The following UBAC1 variants were observed in gnomAD, a reference collection of about 807,000 sequenced individuals.
UBAC1 encodes UBA domain containing 1.
Under a neutral mutation model 45.9 loss-of-function variants are expected in UBAC1, and 27 were observed. The ratio of observed to expected loss-of-function variants is 0.59; its 90% CI spans 0.43 to 0.81. The LOEUF is 0.81. UBAC1 is among the 30% of genes least tolerant of loss of function. The probability of loss-of-function intolerance (pLI) is 0.00; values close to 1 mark genes in which losing one functional copy is unlikely to be tolerated. For synonymous variants in UBAC1, 227 were observed against 215.5 expected, an observed-to-expected ratio of 1.05 and a Z score of -0.47; for missense variants, 529 against 539.2, an observed-to-expected ratio of 0.98 and a Z score of 0.19.
In UBAC1 at chr9:135,945,198, T is replaced by C; in HGVS notation, c.706A>G (p.Thr236Ala). The change falls in exon 7 of 10, where the codon ACC (threonine) becomes GCC (alanine). Residue 236 changes from threonine (T) to alanine (A), a missense_variant. Transcript: ENST00000371756. ...EWLIEHAEDPTIDTPLPGQAP... is the reference protein window; with the variant it reads ...EWLIEHAEDPAIDTPLPGQAP... ...TGGCCAGGAAGAGGCGTGTCTATGG[T>C]CGGGTCTTCTGCGTGTTCAATTAGC... 6.2e-7 allele frequency: 1 copy of C among 1,611,912 alleles called. No homozygotes were observed. The highest frequency in any genetic ancestry group is 2.2e-5 in the East Asian group (1 of 44,824).
At chr9:135,933,547 C>T in intron 9 of UBAC1, 32 bp from the exon 10 acceptor site, 5 of 1,525,776 alleles carry the variant, frequency 3.3e-6, no homozygotes, top group Non-Finnish European at 4.5e-6. Context: ...CCTGAGTGCC[C>T]ACGCCCCCAC....
rs147992760 is a variant in UBAC1 at position 135,955,223 on chromosome 9, C to T, written c.259+72G>A. ...ACACTGACTCCTGTGGGTGGACCAC[C>T]CCCTCCTGGCTCCAGCGCCCCCAGC... On this transcript the variant is annotated intron_variant, in intron 2 of 9. Transcript: ENST00000371756. 2.6e-4 allele frequency: 364 copies of T among 1,406,842 alleles called. No homozygotes were observed. In the African/African-American group the frequency reaches 4.8e-3, roughly 18 times the overall value. The allele number at this position is 1,406,842 out of a possible 1,614,324, so 87.1% of individuals were successfully genotyped here. A position where few individuals can be genotyped will look rare whatever the true frequency, so the allele number is the denominator to read the frequency against.
chr9:135,938,091 G>T, intron 9 of UBAC1, 131 bp downstream of exon 9: 1 of 1,391,574 alleles, frequency 7.2e-7, no homozygotes, highest in African/African-American at 1.4e-5. Context: ...CTGCATGGCA[G>T]GACGTGCTGC....
intron 7 of UBAC1, among the ~76,000 whole-genome samples, chr9:135,944,583 G>T (rs1839303917): frequency 6.6e-6 from 1 of 152,214 alleles, no homozygotes; most frequent in Non-Finnish European, 1.5e-5. Context: ...GTGCCATGGA[G>T]GCGGCTGGCA....
rs142176550 is a variant in UBAC1 at position 135,933,258 on chromosome 9, A to T, written c.*142T>A. ...ACCAAAGTTTATAAGCAATAAGATCAGAGAGCAGGAGCAGCTGCAGCACCT... is the reference window on the plus strand; with the variant it reads ...ACCAAAGTTTATAAGCAATAAGATCTGAGAGCAGGAGCAGCTGCAGCACCT... On this transcript the variant is annotated 3_prime_UTR_variant, in exon 10 of 10. Coordinates refer to ENST00000371756, the MANE Select transcript of UBAC1 (RefSeq NM_016172.3). 6.0e-4 allele frequency: 393 copies of T among 650,296 alleles called. 1 individual carries two copies. Among genetic ancestry groups the T allele is most frequent in the African/African-American group, 5.7e-3 (313 of 55,272 alleles). 40.3% of individuals were successfully genotyped at this position (650,296 alleles called of 1,614,324 possible).
rs564130893 is a variant in UBAC1, at chr9:135,953,213, A to G, written c.333+467T>C. Among the ~76,000 whole-genome samples the G allele has an allele frequency of 2.6e-5, 4 of 152,300 alleles. No individual in the cohort carries two copies. In the East Asian group the frequency reaches 7.7e-4, roughly 29 times the overall value. ...CACGGATTAAACAGGCTCTGCCGGG[A>G]GAGAGAACCCCTTATAACCACATCT... On this transcript the variant is annotated intron_variant, in intron 3 of 9. Coordinates refer to ENST00000371756, the MANE Select transcript of UBAC1 (RefSeq NM_016172.3).
intron 1 of UBAC1, among the ~76,000 whole-genome samples, chr9:135,959,469 G>T (rs1042544515): frequency 6.6e-6 from 1 of 150,492 alleles, no homozygotes; most frequent in Non-Finnish European, 1.5e-5. Context: ...CCGCCTCCCG[G>T]GTTCAAGCGA....
At chr9:135,947,172 G>A (rs868445087) in intron 4 of UBAC1, among the ~76,000 whole-genome samples, 19 of 152,282 alleles carry the variant, frequency 1.2e-4, no homozygotes, top group Middle Eastern at 3.4e-3. Flanking sequence ...CTGCTGCGGC[G>A]TCCACGTGAG....
At chr9:135,960,239 C>G (rs10858189) in intron 1 of UBAC1, among the ~76,000 whole-genome samples, 29,508 of 152,152 alleles carry the variant, frequency 0.19, 3,507 homozygotes, top group Non-Finnish European at 0.27. Flanking sequence ...TCTTAGCTGA[C>G]CTTACTGAGT....
rs1839165429 is a variant in UBAC1, at chr9:135,933,262, A to G, written c.*138T>C. 1.5e-6 allele frequency: 1 copy of G among 661,370 alleles called. No homozygotes were observed. The highest frequency in any genetic ancestry group is 2.6e-5 in the East Asian group (1 of 38,308). The allele number at this position is 661,370 out of a possible 1,614,324, so 41.0% of individuals were successfully genotyped here. ...AAGTTTATAAGCAATAAGATCAGAG[A>G]GCAGGAGCAGCTGCAGCACCTCTAA... On this transcript the variant is annotated 3_prime_UTR_variant, in exon 10 of 10. Coordinates refer to ENST00000371756, the MANE Select transcript of UBAC1 (RefSeq NM_016172.3).
At chr9:135,937,939 C>G (rs886949282) in intron 9 of UBAC1, among the ~76,000 whole-genome samples, 1 of 152,222 alleles carries the variant, frequency 6.6e-6, no homozygotes, top group Non-Finnish European at 1.5e-5. Flanking sequence ...GTCTCCACCC[C>G]GCTGGCCCTC....
In UBAC1 at chr9:135,961,373, C is replaced by G; in HGVS notation, c.-211G>C. ...GCCGCAGCAGCCGCCGGGGGCGCGCCGTCGCGGCCGCACCGGAAGTGCGTC... is the reference window on the plus strand; with the variant it reads ...GCCGCAGCAGCCGCCGGGGGCGCGCGGTCGCGGCCGCACCGGAAGTGCGTC... On this transcript the variant is annotated 5_prime_UTR_variant, in exon 1 of 10. Transcript: ENST00000371756. The G allele has an allele frequency of 5.5e-6, 1 of 181,766 alleles. No individual in the cohort carries two copies. Among genetic ancestry groups the G allele is most frequent in the Non-Finnish European group, 1.0e-5 (1 of 95,376 alleles). 11.3% of individuals were successfully genotyped at this position (181,766 alleles called of 1,614,324 possible). A position where few individuals can be genotyped will look rare whatever the true frequency, so the allele number is the denominator to read the frequency against.
At chr9:135,945,817 C>T in intron 6 of UBAC1, 72 bp downstream of exon 6, 1 of 1,266,920 alleles carries the variant, frequency 7.9e-7, no homozygotes, top group Non-Finnish European at 1.1e-6. Context: ...GAGGACGTCA[C>T]CCACGGTGGG....
chr9:135,946,207 C>G, intron 5 of UBAC1, 62 bp downstream of exon 5: 1 of 1,246,882 alleles, frequency 8.0e-7, no homozygotes, highest in Non-Finnish European at 1.2e-6. Flanking sequence ...CGTGGAGCTG[C>G]AGACGCTCCC....
At chr9:135,943,505 G>A (rs1839292158) in intron 7 of UBAC1, among the ~76,000 whole-genome samples, 1 of 152,208 alleles carries the variant, frequency 6.6e-6, no homozygotes, top group African/African-American at 2.4e-5. Context: ...TTACATTGCT[G>A]GTGGGAATGT....
At chr9:135,935,708 G>T (rs2131079192) in intron 9 of UBAC1, among the ~76,000 whole-genome samples, 1 of 152,218 alleles carries the variant, frequency 6.6e-6, no homozygotes, top group South Asian at 2.1e-4. Context: ...CAACAGAAAA[G>T]TATTCAACAT....
At chr9:135,935,559 G>A (rs114323834) in intron 9 of UBAC1, among the ~76,000 whole-genome samples, 2,500 of 152,276 alleles carry the variant, frequency 0.016, 63 homozygotes, top group African/African-American at 0.057. Flanking sequence ...TTGAGCCCAG[G>A]AGGTCAAGGC....
In UBAC1 at chr9:135,956,939, C is replaced by T. The variant is rs565173693; in HGVS notation, c.139-1524G>A. 2.6e-5 allele frequency among the ~76,000 whole-genome samples: 4 copies of T among 152,252 alleles called. No individual in the cohort carries two copies. In the East Asian group the frequency reaches 5.8e-4, roughly 22 times the overall value. The stretch of plus-strand genomic sequence containing the variant: ...AGCATGGCCCAGCCTGGAGCTGGGC[C>T]GGGGCACCACCCCAGGACAGGCCGT... On this transcript the variant is annotated intron_variant, in intron 1 of 9. Transcript: ENST00000371756.
intron 1 of UBAC1, among the ~76,000 whole-genome samples, chr9:135,955,647 C>T (rs1161845348): frequency 3.3e-5 from 5 of 152,198 alleles, no homozygotes; most frequent in Non-Finnish European, 2.9e-5. Flanking sequence ...AAGCTCCCAG[C>T]TCTGATATAC....
Sources: allele counts gnomAD v4.1 joint callset (sites outside exome capture counted in the v4.1 genomes callset), GRCh38; gene constraint gnomAD v4.1.1; transcripts MANE v1.5; gene names NCBI Gene and HGNC (gene_info 2026-07-23, HGNC 2026-07-21).